Variants in GFRA3 observed in about 807,000 individuals in gnomAD.
GFRA3 encodes the protein GDNF family receptor alpha-3.
Under a neutral mutation model 40.0 loss-of-function variants are expected in GFRA3, and 24 were observed. The observed-to-expected ratio is 0.60, with a 90% confidence interval of 0.43 to 0.84. GFRA3 has a LOEUF of 0.84. Among genes scored for constraint, GFRA3 ranks in the 40% least tolerant of loss-of-function variants. GFRA3 has a pLI of 0.00. For synonymous variants in GFRA3, 203 were observed against 213.5 expected (o/e 0.95, Z 0.43); for missense variants, 405 against 530.6 (o/e 0.76, Z 2.33).
chr5:138,272,102 T>C (rs1230861213), intron 1 of GFRA3, among the ~76,000 whole-genome samples: 1 of 150,472 alleles, frequency 6.6e-6, no homozygotes, highest in Admixed American at 6.6e-5. Context: ...ACCTCCCAGG[T>C]TCACGCCATT....
intron 6 of GFRA3, 76 bp downstream of exon 6, chr5:138,253,690 C>A (rs1267031465): frequency 5.7e-6 from 8 of 1,404,364 alleles, no homozygotes; most frequent in Non-Finnish European, 8.0e-6. Context: ...GCCTGGGCCA[C>A]AGAGTCGACC....
intron 2 of GFRA3, among the ~76,000 whole-genome samples, chr5:138,260,296 T>C (rs1170157312): frequency 1.3e-5 from 2 of 152,200 alleles, no homozygotes; most frequent in Non-Finnish European, 2.9e-5. Context: ...GCTGCTACTC[T>C]TTCTCCTCTA....
At chr5:138,254,987 AAG>A (rs1292009153) in intron 4 of GFRA3, among the ~76,000 whole-genome samples, 24 of 150,664 alleles carry the variant, frequency 1.6e-4, no homozygotes, top group Admixed American at 1.1e-3. Context: ...AGAAGGAGAA[AAG>A]AGAGAAGAGA....
chr5:138,266,128 A>T (rs960456149), intron 1 of GFRA3, among the ~76,000 whole-genome samples: 29 of 152,326 alleles, frequency 1.9e-4, no homozygotes, highest in African/African-American at 6.3e-4. Context: ...CGCTTTGATG[A>T]ACATTTCATG....
intron 1 of GFRA3, among the ~76,000 whole-genome samples, chr5:138,271,753 T>C (rs1423931084): frequency 6.7e-6 from 1 of 149,004 alleles, no homozygotes; most frequent in Non-Finnish European, 1.5e-5. Context: ...TAATTTTGTA[T>C]TTTTTGTAGA....
chr5:138,260,566 C>T (rs866794038), intron 2 of GFRA3, among the ~76,000 whole-genome samples: 3 of 152,182 alleles, frequency 2.0e-5, no homozygotes, highest in East Asian at 3.9e-4. Flanking sequence ...GTCAGGAGTT[C>T]GAGACCAGCC....
intron 4 of GFRA3, among the ~76,000 whole-genome samples, chr5:138,255,114 G>C (rs1755609174): frequency 1.3e-5 from 2 of 151,450 alleles, no homozygotes; most frequent in African/African-American, 2.4e-5. Context: ...AAGAAGGAAG[G>C]AAGGAGGGAG....
intron 4 of GFRA3, among the ~76,000 whole-genome samples, chr5:138,255,447 GA>G (rs1330801916): frequency 2.0e-5 from 3 of 152,188 alleles, no homozygotes; most frequent in African/African-American, 7.2e-5. Context: ...TTTGTCCTGA[GA>G]AGACACAGGA....
intron 6 of GFRA3, 82 bp downstream of exon 6, chr5:138,253,684 G>C (rs1755583858): frequency 7.5e-7 from 1 of 1,325,864 alleles, no homozygotes; most frequent in South Asian, 1.3e-5. Context: ...GAACCAGCCT[G>C]GGCCACAGAG....
chr5:138,272,523 G>T (rs1472434300), intron 1 of GFRA3, among the ~76,000 whole-genome samples: 1 of 150,572 alleles, frequency 6.6e-6, no homozygotes, highest in African/African-American at 2.4e-5. Flanking sequence ...CACTACTACA[G>T]TCCCAGCTAC....
At chr5:138,262,941 A>ATGTT (rs772289573) in intron 2 of GFRA3, among the ~76,000 whole-genome samples, 40 of 151,926 alleles carry the variant, frequency 2.6e-4, no homozygotes, top group South Asian at 6.2e-4. Flanking sequence ...GCCTGATGTC[A>ATGTT]TGTTTGTTTG....
In GFRA3 at chr5:138,252,662, T is replaced by C; in HGVS notation, c.*306A>G. 3.8e-6 allele frequency: 1 copy of C among 259,974 alleles called. No homozygotes were observed. Among genetic ancestry groups the C allele is most frequent in the Non-Finnish European group, 7.4e-6 (1 of 134,606 alleles). The allele number at this position is 259,974 out of a possible 1,614,324, so 16.1% of individuals were successfully genotyped here. A position where few individuals can be genotyped will look rare whatever the true frequency, so the allele number is the denominator to read the frequency against. Reference sequence around the variant, plus strand: ...AATGCAATAGAGAATGGCTAACTTATTAGATTCTGGTGATCCTGGTAGTCA... The same window carrying C: ...AATGCAATAGAGAATGGCTAACTTACTAGATTCTGGTGATCCTGGTAGTCA... On this transcript the variant is annotated 3_prime_UTR_variant, in exon 8 of 8. Transcript: ENST00000274721.
intron 1 of GFRA3, among the ~76,000 whole-genome samples, chr5:138,268,514 G>A (rs1180218463): frequency 6.6e-6 from 1 of 151,698 alleles, no homozygotes; most frequent in East Asian, 1.9e-4. Flanking sequence ...CCACAGAGTG[G>A]GAGAAAATTT....
intron 3 of GFRA3, among the ~76,000 whole-genome samples, chr5:138,258,166 CTT>C (rs66792829): frequency 2.7e-3 from 139 of 51,582 alleles, no homozygotes; most frequent in South Asian, 7.0e-3. Context: ...CCCTACTCCT[CTT>C]TTTTTTTTTT....
chr5:138,269,844 CAAAA>C (rs71585112), intron 1 of GFRA3, among the ~76,000 whole-genome samples: 2 of 80,000 alleles, frequency 2.5e-5, no homozygotes, highest in Admixed American at 1.3e-4. Context: ...GACTCCATCT[CAAAA>C]AAAAAAAAAA....
intron 4 of GFRA3, among the ~76,000 whole-genome samples, chr5:138,255,638 C>G (rs1466892576): frequency 6.6e-6 from 1 of 152,116 alleles, no homozygotes; most frequent in Non-Finnish European, 1.5e-5. Context: ...GTGGTTCATG[C>G]CTATAATCCC....
At position 138,252,961 on chromosome 5, in the gene GFRA3, A is replaced by C; in HGVS notation, c.*7T>G. On this transcript the variant is annotated 3_prime_UTR_variant, in exon 8 of 8. Transcript: ENST00000274721. ...GTGGAGGGGAAGAGGGCCCTGGGGA[A>C]GTCCAGCTACCATAGGCTCAGGAGC... 6.5e-7 allele frequency: 1 copy of C among 1,534,150 alleles called. No individual in the cohort carries two copies. Among genetic ancestry groups the C allele is most frequent in the Non-Finnish European group, 9.0e-7 (1 of 1,107,938 alleles).
intron 4 of GFRA3, among the ~76,000 whole-genome samples, chr5:138,254,391 C>T (rs1291375345): frequency 6.6e-6 from 1 of 151,912 alleles, no homozygotes; most frequent in Non-Finnish European, 1.5e-5. Context: ...TTCACCATGT[C>T]GGCCAGGCTG....
Position 138,274,459 on chromosome 5 carries a change from C to A in GFRA3, c.-35G>T, listed in dbSNP as rs1462072448. On this transcript the variant is annotated 5_prime_UTR_variant, in exon 1 of 8. Coordinates refer to ENST00000274721, the MANE Select transcript of GFRA3 (RefSeq NM_001496.4). ...TAGGCGCCGGGCTCCGCGCTCCCCTCGCTCCTCCCCTGGAGCTCTGAGAGC... is the reference window on the plus strand; with the variant it reads ...TAGGCGCCGGGCTCCGCGCTCCCCTAGCTCCTCCCCTGGAGCTCTGAGAGC... The A allele has an allele frequency of 1.6e-6, 2 of 1,280,874 alleles. No homozygotes were observed. The highest frequency in any genetic ancestry group is 2.0e-6 in the Non-Finnish European group (2 of 1,011,900). 79.3% of individuals were successfully genotyped at this position (1,280,874 alleles called of 1,614,324 possible).
Sources: allele counts gnomAD v4.1 joint callset (sites outside exome capture counted in the v4.1 genomes callset), GRCh38; gene constraint gnomAD v4.1.1; transcripts MANE v1.5; gene names NCBI Gene and HGNC (gene_info 2026-07-23, HGNC 2026-07-21).